Variants in NRXN3 observed in about 807,000 individuals in gnomAD.
NRXN3 encodes the protein neurexin 3.
NRXN3 carries 32 observed loss-of-function variants against 137.6 expected under a neutral mutation model. The observed-to-expected ratio is 0.23, with a 90% CI of 0.18 to 0.31. The LOEUF is 0.31. Ranked by LOEUF, NRXN3 falls within the 10% of genes least tolerant of loss-of-function variation. NRXN3 has a pLI of 1.00. For synonymous variants in NRXN3, 798 were observed against 784.5 expected (o/e 1.02, Z -0.29); for missense variants, 1,574 against 2,062.5 (o/e 0.76, Z 4.59).
At chr14:78,189,596 T>C (rs2153370786) in intron 1 of NRXN3, among the ~76,000 whole-genome samples, 1 of 152,206 alleles carries the variant, frequency 6.6e-6, no homozygotes, top group Non-Finnish European at 1.5e-5. Flanking sequence ...TTTTTTTTTT[T>C]CCTTTTTTGA....
In NRXN3 at chr14:79,259,593, TTA is replaced by T. The variant is rs1159371545; in HGVS notation, c.3263-207617_3263-207616del. Among the ~76,000 whole-genome samples the T allele has an allele frequency of 3.4e-5, 5 of 147,170 alleles. No homozygotes were observed. The South Asian group carries it at 8.4e-4, about 25-fold the overall frequency. On this transcript the variant is annotated intron_variant, in intron 15 of 20. Coordinates refer to ENST00000335750, the MANE Select transcript of NRXN3 (RefSeq NM_001330195.2). ...TATCTATATATAGCTATATATAGAG[TTA>T]TATATATATAGCTATATATATGGTT...
At chr14:79,525,255 G>A (rs1387351838) in intron 16 of NRXN3, among the ~76,000 whole-genome samples, 4 of 152,078 alleles carry the variant, frequency 2.6e-5, no homozygotes, top group East Asian at 3.9e-4. Flanking sequence ...ACACCACCTC[G>A]AGGGTTTCCA....
At chr14:79,443,863 A>G (rs2096009756) in intron 15 of NRXN3, among the ~76,000 whole-genome samples, 1 of 152,248 alleles carries the variant, frequency 6.6e-6, no homozygotes, top group East Asian at 1.9e-4. Flanking sequence ...TTCCTTCCTT[A>G]GAATACTTCC....
chr14:79,337,599 G>T (rs1450158299), intron 15 of NRXN3, among the ~76,000 whole-genome samples: 1 of 152,174 alleles, frequency 6.6e-6, no homozygotes, highest in Non-Finnish European at 1.5e-5. Flanking sequence ...TGATGTTTGT[G>T]CCTGGACATA....
chr14:79,026,783 C>G (rs924754989), intron 15 of NRXN3, among the ~76,000 whole-genome samples: 13 of 151,892 alleles, frequency 8.6e-5, no homozygotes, highest in Admixed American at 1.3e-4. Context: ...GCTCTACAGT[C>G]CTATCACCTC....
chr14:78,213,979 G>A (rs576676877), intron 1 of NRXN3, among the ~76,000 whole-genome samples: 2 of 152,314 alleles, frequency 1.3e-5, no homozygotes, highest in South Asian at 4.1e-4. Context: ...CATAGTAGCA[G>A]ATCCCTCTTC....
intron 10 of NRXN3, among the ~76,000 whole-genome samples, chr14:78,912,653 ATTC>A (rs1023200536): frequency 1.3e-5 from 2 of 152,128 alleles, no homozygotes; most frequent in African/African-American, 4.8e-5. Flanking sequence ...AGGATCATTT[ATTC>A]TTCTTACATC....
chr14:79,380,233 C>T (rs994814691), intron 15 of NRXN3, among the ~76,000 whole-genome samples: 17 of 144,962 alleles, frequency 1.2e-4, no homozygotes, highest in Admixed American at 6.5e-4. Context: ...TTTTAGGGTA[C>T]ATGTGCACAG....
chr14:79,456,789 GAGGAT>G (rs1447766048), intron 15 of NRXN3, among the ~76,000 whole-genome samples: 1 of 151,864 alleles, frequency 6.6e-6, no homozygotes, highest in African/African-American at 2.4e-5. Flanking sequence ...GAGGAGAGGA[GAGGAT>G]AGGAGAGGAG....
At chr14:79,508,459 G>A (rs931381297) in intron 16 of NRXN3, among the ~76,000 whole-genome samples, 10 of 137,084 alleles carry the variant, frequency 7.3e-5, no homozygotes, top group African/African-American at 2.8e-4. Context: ...GCACGATCTT[G>A]GCTCACTGCA....
chr14:78,775,122 A>G (rs2098740841), intron 8 of NRXN3, among the ~76,000 whole-genome samples: 1 of 152,178 alleles, frequency 6.6e-6, no homozygotes, highest in African/African-American at 2.4e-5. Flanking sequence ...TGTGATTTAT[A>G]ATCAATATTT....
At chr14:79,798,947 G>A (rs920149890) in intron 19 of NRXN3, among the ~76,000 whole-genome samples, 4 of 152,138 alleles carry the variant, frequency 2.6e-5, no homozygotes, top group Middle Eastern at 3.2e-3. Context: ...AGGAAAATAC[G>A]TCAGATTTGT....
intron 15 of NRXN3, among the ~76,000 whole-genome samples, chr14:79,302,601 C>T (rs1024154387): frequency 6.6e-6 from 1 of 151,904 alleles, no homozygotes; most frequent in African/African-American, 2.4e-5. Context: ...TTGCAATCCC[C>T]ATGTGCAGAG....
chr14:78,425,611 A>G (rs1230365346), intron 4 of NRXN3, among the ~76,000 whole-genome samples: 1 of 152,120 alleles, frequency 6.6e-6, no homozygotes, highest in African/African-American at 2.4e-5. Context: ...TCTTACCCTG[A>G]ATGGAGAGTG....
intron 4 of NRXN3, among the ~76,000 whole-genome samples, chr14:78,493,792 A>G (rs1216696297): frequency 6.6e-6 from 1 of 152,204 alleles, no homozygotes; most frequent in Non-Finnish European, 1.5e-5. Flanking sequence ...CCAAAGCAGG[A>G]TAAAATAAAT....
chr14:79,335,755 A>G (rs113858910), intron 15 of NRXN3, among the ~76,000 whole-genome samples: 3 of 152,018 alleles, frequency 2.0e-5, no homozygotes, highest in Non-Finnish European at 2.9e-5. Context: ...AGTTTCTTTT[A>G]TATAACCCCA....
intron 15 of NRXN3, among the ~76,000 whole-genome samples, chr14:79,144,535 C>T (rs2153007678): frequency 6.6e-6 from 1 of 152,288 alleles, no homozygotes; most frequent in Middle Eastern, 3.4e-3. Flanking sequence ...TCTGAACCAT[C>T]ATGCCTCTTG....
chr14:78,880,667 G>C (rs2099126611), intron 10 of NRXN3, among the ~76,000 whole-genome samples: 1 of 152,054 alleles, frequency 6.6e-6, no homozygotes, highest in Non-Finnish European at 1.5e-5. Context: ...AAGAATACCT[G>C]TTACATTATA....
intron 4 of NRXN3, among the ~76,000 whole-genome samples, chr14:78,308,696 G>C (rs1409369491): frequency 6.6e-6 from 1 of 151,988 alleles, no homozygotes; most frequent in African/African-American, 2.4e-5. Flanking sequence ...ACATTGGCTT[G>C]ATACTATAAA....
Sources: gnomAD v4.1 joint callset for allele counts (sites outside exome capture counted in the v4.1 genomes callset) on GRCh38, gnomAD v4.1.1 for gene constraint, MANE v1.5 for transcripts, NCBI Gene and HGNC (gene_info 2026-07-23, HGNC 2026-07-21) for gene names.